The following SOS2 variants were observed in gnomAD, a reference collection of about 807,000 sequenced individuals.
SOS2 encodes SOS Ras/Rho guanine nucleotide exchange factor 2, also known as son of sevenless homolog 2.
A neutral mutation model predicts 148.2 loss-of-function variants in SOS2; 65 were observed. That is an observed-to-expected ratio of 0.44 (90% CI 0.36 to 0.54). The LOEUF (loss-of-function observed/expected upper bound fraction) is 0.54. SOS2 is among the 20% of genes least tolerant of loss of function. The pLI is 0.00. For missense variants in SOS2, 1,341 were observed against 1,590.2 expected (o/e 0.84, Z 2.67); for synonymous variants, 539 against 537.1 (o/e 1.00, Z -0.05).
At chr14:50,227,009 A>T (rs1206805971) in intron 1 of SOS2, among the ~76,000 whole-genome samples, 1 of 152,200 alleles carries the variant, frequency 6.6e-6, no homozygotes, top group Non-Finnish European at 1.5e-5. Flanking sequence ...ATTATGTTCT[A>T]GGCTCTTTTA....
In SOS2 at chr14:50,174,571, T is replaced by G. The variant is rs369274700; in HGVS notation, c.970-19A>C. 6.8e-7 allele frequency: 1 copy of G among 1,476,228 alleles called. No individual in the cohort carries two copies. Among genetic ancestry groups the G allele is most frequent in the African/African-American group, 1.4e-5 (1 of 72,160 alleles). 91.4% of individuals were successfully genotyped at this position (1,476,228 alleles called of 1,614,324 possible). On this transcript the variant is annotated intron_variant, in intron 7 of 22. Coordinates refer to ENST00000216373, the MANE Select transcript of SOS2 (RefSeq NM_006939.4). The stretch of plus-strand genomic sequence containing the variant: ...CAATGGACTGCAAAGCAAAAAGATA[T>G]CACAGTATGTATGTCTCTGACATCA...
intron 8 of SOS2, among the ~76,000 whole-genome samples, chr14:50,164,875 G>GT (rs1300395520): frequency 2.6e-5 from 4 of 152,068 alleles, no homozygotes; most frequent in African/African-American, 9.7e-5. Flanking sequence ...AGTTGTAAAA[G>GT]TAACACAAAT....
At chr14:50,177,378 G>A (rs960915827) in intron 7 of SOS2, among the ~76,000 whole-genome samples, 6 of 151,992 alleles carry the variant, frequency 3.9e-5, no homozygotes, top group Non-Finnish European at 5.9e-5. Flanking sequence ...TTTGTTTTTA[G>A]TTTTATTAAG....
intron 1 of SOS2, among the ~76,000 whole-genome samples, chr14:50,206,947 T>C (rs2139805184): frequency 6.6e-6 from 1 of 152,240 alleles, no homozygotes; most frequent in East Asian, 1.9e-4. Flanking sequence ...CACTCACCTC[T>C]GCCTCCCAAA....
chr14:50,143,379 T>C (rs1820093612), intron 16 of SOS2, among the ~76,000 whole-genome samples: 3 of 145,710 alleles, frequency 2.1e-5, no homozygotes, highest in Non-Finnish European at 3.0e-5. Context: ...CCCCCAAAAA[T>C]GAGAGAGGCA....
At chr14:50,153,014 T>C (rs1314655820) in intron 13 of SOS2, 56 bp downstream of exon 13, 16 of 816,244 alleles carry the variant, frequency 2.0e-5, no homozygotes, top group Middle Eastern at 3.2e-4. Flanking sequence ...GTCACACAAA[T>C]TTGAACATAA....
intron 12 of SOS2, among the ~76,000 whole-genome samples, chr14:50,153,860 A>G (rs1029450809): frequency 3.9e-5 from 6 of 152,118 alleles, no homozygotes; most frequent in African/African-American, 1.4e-4. Flanking sequence ...TGATCCGCCC[A>G]CCTCAGCCTC....
chr14:50,186,167 A>G (rs1015877524), intron 5 of SOS2, among the ~76,000 whole-genome samples: 1 of 152,174 alleles, frequency 6.6e-6, no homozygotes, highest in African/African-American at 2.4e-5. Context: ...TCTTTCCCTC[A>G]AAAGTTTATA....
Position 50,180,532 on chromosome 14 carries a change from TTAAA to T in SOS2, c.969+36_969+39del, listed in dbSNP as rs768361942. 2,033 of 464,410 alleles carry T rather than the reference TTAAA, an allele frequency of 4.4e-3. 28 individuals carry two copies. The highest frequency in any genetic ancestry group is 5.1e-3 in the South Asian group (179 of 34,768). The allele number at this position is 464,410 out of a possible 1,614,324, so 28.8% of individuals were successfully genotyped here. A position where few individuals can be genotyped will look rare whatever the true frequency, so the allele number is the denominator to read the frequency against. ...AATAGTGAGATATTTATTTGCTTTATTAAAAAAAAAAAAAAAAAAAACCTTCAAT... is the reference window on the plus strand; with the variant it reads ...AATAGTGAGATATTTATTTGCTTTATAAAAAAAAAAAAAAAAACCTTCAAT... On this transcript the variant is annotated intron_variant, in intron 7 of 22. Transcript: ENST00000216373.
chr14:50,140,682 T>C (rs1291251482), intron 16 of SOS2, among the ~76,000 whole-genome samples: 1 of 151,922 alleles, frequency 6.6e-6, no homozygotes, highest in East Asian at 1.9e-4. Flanking sequence ...TTCAATACTA[T>C]ACAGAAGTCC....
chr14:50,173,296 T>G (rs761208897), intron 8 of SOS2, among the ~76,000 whole-genome samples: 2 of 152,222 alleles, frequency 1.3e-5, no homozygotes, highest in Non-Finnish European at 2.9e-5. Context: ...AATAATTCTA[T>G]GTATACCTTG....
chr14:50,224,628 T>C (rs1400554480), intron 1 of SOS2, among the ~76,000 whole-genome samples: 1 of 152,134 alleles, frequency 6.6e-6, no homozygotes, highest in Non-Finnish European at 1.5e-5. Context: ...CTCACTCCTG[T>C]AATCCCAGAA....
Position 50,224,312 on chromosome 14 carries a change from T to TACACACAC in SOS2, c.87+6884_87+6885insGTGTGTGT, listed in dbSNP as rs1490235666. Among the ~76,000 whole-genome samples the TACACACAC allele has an allele frequency of 1.7e-4, 9 of 53,282 alleles. No individual in the cohort carries two copies. The East Asian group carries it at 5.0e-3, about 29-fold the overall frequency. 35.0% of individuals were successfully genotyped at this position (53,282 alleles called of 152,430 possible). A position where few individuals can be genotyped will look rare whatever the true frequency, so the allele number is the denominator to read the frequency against. On this transcript the variant is annotated intron_variant, in intron 1 of 22. Coordinates refer to ENST00000216373, the MANE Select transcript of SOS2 (RefSeq NM_006939.4). ...TCTCAGGAAAAAAAAAAAATATATA[T>TACACACAC]ATACACACACACACACACACACACA...
chr14:50,141,664 T>A (rs1456807126), intron 16 of SOS2, among the ~76,000 whole-genome samples: 1 of 152,194 alleles, frequency 6.6e-6, no homozygotes, highest in East Asian at 1.9e-4. Flanking sequence ...AAAAGACTTG[T>A]TACTATAAAA....
Position 50,126,300 on chromosome 14 carries a change from C to T in SOS2, c.3379+3661G>A, listed in dbSNP as rs1883678479. 1.3e-5 allele frequency among the ~76,000 whole-genome samples: 2 copies of T among 152,072 alleles called. 1 individual carries two copies. The highest frequency in any genetic ancestry group is 4.8e-5 in the African/African-American group (2 of 41,388). On this transcript the variant is annotated intron_variant, in intron 21 of 22. Transcript: ENST00000216373. The stretch of plus-strand genomic sequence containing the variant: ...TTGTGGTGAGAACATTTAAAATCTT[C>T]TCTTTTATCTATCCAGAGATATACA...
chr14:50,188,512 C>T lies in SOS2; in HGVS notation c.699G>A (p.Lys233=), dbSNP rs748463646. ...VFREAFLSDR[K]LFKPSDIEKI... is the part of the protein sequence containing the mutation. Reference sequence around the variant, plus strand: ...AGGTACTTACAGAAGGTTTAAACAGCTTTCTATCAGAAAGAAAGGCTTCTC... The same window carrying T: ...AGGTACTTACAGAAGGTTTAAACAGTTTTCTATCAGAAAGAAAGGCTTCTC... The change falls in exon 5 of 23, where the codon AAG becomes AAA. Residue 233 remains lysine (K), a synonymous_variant. Coordinates refer to ENST00000216373, the MANE Select transcript of SOS2 (RefSeq NM_006939.4). 4 of 1,600,150 alleles carry T rather than the reference C, an allele frequency of 2.5e-6. No homozygotes were observed. Among genetic ancestry groups the T allele is most frequent in the Non-Finnish European group, 3.4e-6 (4 of 1,175,976 alleles).
rs760582921 is a variant in SOS2, at chr14:50,118,714, T to A, written c.3629A>T (p.Asp1210Val). The change falls in exon 23 of 23, where the codon GAT becomes GTT. Residue 1210 changes from aspartate (D) to valine (V), a missense_variant. Physicochemically the swap from Asp to Val is radical, Grantham distance 152 (BLOSUM62 -3). Around this residue, in one of 4 missense-constraint regions of SOS2, gnomAD observed 354 missense variants for 347.7 expected, o/e 1.02. Transcript: ENST00000216373. Reference sequence around the variant, plus strand: ...TGGTGGAGGGGTATCAGGAAGAGGATCTCTTGGTGGTGGCGGAGGTGGACT... The same window carrying A: ...TGGTGGAGGGGTATCAGGAAGAGGAACTCTTGGTGGTGGCGGAGGTGGACT... ...LHSPPPPPPR[D>V]PLPDTPPPVP... The A allele has an allele frequency of 6.2e-7, 1 of 1,612,738 alleles. No homozygotes were observed. Among genetic ancestry groups the A allele is most frequent in the Non-Finnish European group, 8.5e-7 (1 of 1,179,826 alleles).
At chr14:50,188,374 C>T in intron 5 of SOS2, 123 bp downstream of exon 5, 1 of 678,728 alleles carries the variant, frequency 1.5e-6, no homozygotes, top group Non-Finnish European at 2.5e-6. Flanking sequence ...CGCCACTGCA[C>T]TCCAGCCTGG....
chr14:50,206,986 T>C (rs960533318), intron 1 of SOS2, among the ~76,000 whole-genome samples: 2 of 152,066 alleles, frequency 1.3e-5, no homozygotes, highest in African/African-American at 4.8e-5. Context: ...TGAGCCACCA[T>C]GCCTGGCCAG....
Sources: gnomAD v4.1 joint callset for allele counts (sites outside exome capture counted in the v4.1 genomes callset) on GRCh38, gnomAD v4.1.1 for gene constraint, gnomAD v4.1.1 regional missense constraint, MANE v1.5 for transcripts, NCBI Gene and HGNC (gene_info 2026-07-23, HGNC 2026-07-21) for gene names.